Variants in CTNNA3 observed in about 807,000 individuals in gnomAD.
CTNNA3 encodes the protein catenin alpha 3, also known as catenin alpha-3.
In CTNNA3, 76 loss-of-function variants were observed where a neutral mutation model predicts 95.7. The ratio of observed to expected loss-of-function variants is 0.79; its 90% CI spans 0.66 to 0.96. The LOEUF (loss-of-function observed/expected upper bound fraction) is 0.96. CTNNA3 is among the 40% of genes least tolerant of loss of function. The pLI, the probability that CTNNA3 is intolerant of heterozygous loss-of-function variation, is 0.00. For synonymous variants in CTNNA3, 431 were observed against 374.4 expected (o/e 1.15, Z -1.74); for missense variants, 1,191 against 1,089.8 (o/e 1.09, Z -1.31).
At chr10:66,532,521 T>A (rs1841507022) in intron 10 of CTNNA3, among the ~76,000 whole-genome samples, 1 of 151,458 alleles carries the variant, frequency 6.6e-6, no homozygotes, top group African/African-American at 2.4e-5. Flanking sequence ...GGATTAGACA[T>A]ATTCTTTGTA....
intron 7 of CTNNA3, among the ~76,000 whole-genome samples, chr10:67,132,472 T>C (rs1338671707): frequency 6.6e-6 from 1 of 152,042 alleles, no homozygotes; most frequent in African/African-American, 2.4e-5. Context: ...GATTAAAAAG[T>C]ATATGTAGAT....
chr10:67,121,633 G>A (rs1006972962), intron 7 of CTNNA3, among the ~76,000 whole-genome samples: 1 of 152,020 alleles, frequency 6.6e-6, no homozygotes, highest in African/African-American at 2.4e-5. Flanking sequence ...GCTGGCCACA[G>A]TACACGTAAG....
At chr10:66,097,480 C>T (rs1245808286) in intron 14 of CTNNA3, among the ~76,000 whole-genome samples, 2 of 152,040 alleles carry the variant, frequency 1.3e-5, no homozygotes, top group East Asian at 3.9e-4. Flanking sequence ...TTATTATTAT[C>T]ATCATCATGA....
chr10:66,145,375 A>G (rs2083831136), intron 13 of CTNNA3, among the ~76,000 whole-genome samples: 1 of 152,182 alleles, frequency 6.6e-6, no homozygotes, highest in South Asian at 2.1e-4. Flanking sequence ...TGGAAGTAGC[A>G]GAGAGGCCCA....
chr10:66,247,072 T>G (rs2090361560), intron 13 of CTNNA3, among the ~76,000 whole-genome samples: 1 of 137,968 alleles, frequency 7.2e-6, no homozygotes, highest in African/African-American at 2.7e-5. Context: ...AAAAAAAAAT[T>G]ACTGAGCTTG....
Position 66,474,139 on chromosome 10 carries a change from G to A in CTNNA3, c.1531+46478C>T, listed in dbSNP as rs117466213. ...ACAATATAGTTAATCATAGTCACCC[G>A]TCTGTGCAATAGAACAGAAGTTATT... On this transcript the variant is annotated intron_variant, in intron 11 of 17. Transcript: ENST00000433211. 4.2e-3 allele frequency among the ~76,000 whole-genome samples: 633 copies of A among 152,112 alleles called. 1 individual carries two copies. Among genetic ancestry groups the A allele is most frequent in the Non-Finnish European group, 6.3e-3 (428 of 67,960 alleles).
intron 1 of CTNNA3, among the ~76,000 whole-genome samples, chr10:67,671,913 T>C (rs1440037804): frequency 6.6e-6 from 1 of 152,146 alleles, no homozygotes; most frequent in East Asian, 1.9e-4. Flanking sequence ...TTTGTAGTTC[T>C]AGACCCCTGA....
intron 7 of CTNNA3, among the ~76,000 whole-genome samples, chr10:66,865,103 C>G (rs1411200364): frequency 6.6e-6 from 1 of 151,948 alleles, no homozygotes; most frequent in African/African-American, 2.4e-5. Context: ...CTTAAGACAT[C>G]ATTTTTCCAT....
In CTNNA3 at chr10:67,469,686, C is replaced by A. The variant is rs182725233; in HGVS notation, c.579+52156G>T. ...TGATGGGTTGATGGGTGCAGCAAAC[C>A]ACCATGGCACATGTATATCTATGTA... On this transcript the variant is annotated intron_variant, in intron 5 of 17. Coordinates refer to ENST00000433211, the MANE Select transcript of CTNNA3 (RefSeq NM_013266.4). 1.2e-4 allele frequency among the ~76,000 whole-genome samples: 19 copies of A among 152,118 alleles called. 1 individual carries two copies. In the East Asian group the frequency reaches 3.7e-3, roughly 29 times the overall value.
intron 7 of CTNNA3, among the ~76,000 whole-genome samples, chr10:66,801,573 G>A (rs998178519): frequency 2.0e-5 from 3 of 151,658 alleles, no homozygotes; most frequent in Middle Eastern, 3.4e-3. Flanking sequence ...ACTTTACTCT[G>A]AAAACTATGA....
intron 15 of CTNNA3, among the ~76,000 whole-genome samples, chr10:66,055,788 G>A (rs896907332): frequency 2.0e-5 from 3 of 151,888 alleles, no homozygotes; most frequent in Non-Finnish European, 4.4e-5. Context: ...TGGGTATGGT[G>A]GTATGCACCT....
At chr10:66,483,290 G>A (rs930105200) in intron 11 of CTNNA3, among the ~76,000 whole-genome samples, 7 of 152,222 alleles carry the variant, frequency 4.6e-5, no homozygotes, top group African/African-American at 1.4e-4. Context: ...GTACTCCTGA[G>A]AGAATTAAAT....
chr10:67,744,262 G>T (rs1034653229), intron 1 of CTNNA3, among the ~76,000 whole-genome samples: 1 of 151,160 alleles, frequency 6.6e-6, no homozygotes, highest in Non-Finnish European at 1.5e-5. Flanking sequence ...ATACTACAAG[G>T]CTACGGTAAC....
chr10:66,907,102 T>C (rs933868204), intron 7 of CTNNA3, among the ~76,000 whole-genome samples: 3 of 152,212 alleles, frequency 2.0e-5, no homozygotes, highest in African/African-American at 7.2e-5. Context: ...ATTCTTTCAA[T>C]TCAAAAATGT....
At chr10:67,133,350 G>GAGAC in intron 7 of CTNNA3, among the ~76,000 whole-genome samples, 1 of 58,928 alleles carries the variant, frequency 1.7e-5, no homozygotes, top group Admixed American at 1.7e-4. Context: ...CACAATGGTA[G>GAGAC]ATACATACAT....
At chr10:67,702,766 T>C (rs1285347651) in intron 1 of CTNNA3, among the ~76,000 whole-genome samples, 3 of 151,698 alleles carry the variant, frequency 2.0e-5, no homozygotes, top group African/African-American at 4.9e-5. Flanking sequence ...AGGCAAGAAA[T>C]AACTAAGATC....
At chr10:66,971,238 C>T (rs750408125) in intron 7 of CTNNA3, among the ~76,000 whole-genome samples, 20 of 152,078 alleles carry the variant, frequency 1.3e-4, no homozygotes, top group South Asian at 2.1e-4. Flanking sequence ...CCAGCCTGAC[C>T]AACATAGTGA....
At chr10:67,740,305 A>G (rs1386292282) in intron 1 of CTNNA3, among the ~76,000 whole-genome samples, 2 of 152,090 alleles carry the variant, frequency 1.3e-5, no homozygotes, top group South Asian at 2.1e-4. Flanking sequence ...AAAATTGACA[A>G]ATGGGATCTA....
intron 11 of CTNNA3, among the ~76,000 whole-genome samples, chr10:66,446,130 G>C (rs535233523): frequency 6.6e-6 from 1 of 152,156 alleles, no homozygotes; most frequent in Non-Finnish European, 1.5e-5. Context: ...CCAGGAAAAA[G>C]TTGAATCTCT....
Sources: allele counts gnomAD v4.1 joint callset (sites outside exome capture counted in the v4.1 genomes callset), GRCh38; gene constraint gnomAD v4.1.1; transcripts MANE v1.5; gene names NCBI Gene and HGNC (gene_info 2026-07-23, HGNC 2026-07-21).